NIM1K: variants seen among roughly 807,000 people sequenced by gnomAD.
NIM1K encodes the protein serine/threonine-protein kinase NIM1.
NIM1K carries 35 observed loss-of-function variants against 37.1 expected under a neutral mutation model. That is an observed-to-expected ratio of 0.94 (90% confidence interval 0.72 to 1.25). The LOEUF is 1.25. Among genes scored for constraint, NIM1K ranks in the 50% most tolerant of loss-of-function variants. The pLI, the probability that NIM1K is intolerant of heterozygous loss-of-function variation, is 0.00. For synonymous variants in NIM1K, 234 were observed against 206.6 expected, an observed-to-expected ratio of 1.13 and a Z score of -1.14; for missense variants, 564 against 548.0, an observed-to-expected ratio of 1.03 and a Z score of -0.29.
At chr5:43,222,378 A>G (rs1271967806) in intron 1 of NIM1K, among the ~76,000 whole-genome samples, 1 of 152,162 alleles carries the variant, frequency 6.6e-6, no homozygotes, top group African/African-American at 2.4e-5. Flanking sequence ...ACTGAGAGAA[A>G]ACCTGTGGTA....
At chr5:43,213,031 G>A (rs1490211584) in intron 1 of NIM1K, among the ~76,000 whole-genome samples, 1 of 152,130 alleles carries the variant, frequency 6.6e-6, no homozygotes, top group Non-Finnish European at 1.5e-5. Flanking sequence ...ACCTTTGCCA[G>A]AGGGTGTATT....
chr5:43,263,668 G>A (rs1279278453), intron 2 of NIM1K, among the ~76,000 whole-genome samples: 1 of 151,880 alleles, frequency 6.6e-6, no homozygotes, highest in Non-Finnish European at 1.5e-5. Flanking sequence ...GCTAGCTTTT[G>A]AATGTGCTTG....
intron 1 of NIM1K, chr5:43,193,612 T>G (rs1751865840): frequency 1.3e-5 from 2 of 152,052 alleles, no homozygotes; most frequent in African/African-American, 4.8e-5. Context: ...CGAAACCAGA[T>G]GAAAAAAAGT....
intron 1 of NIM1K, among the ~76,000 whole-genome samples, chr5:43,217,059 CACT>C (rs940294667): frequency 2.0e-5 from 3 of 152,040 alleles, no homozygotes; most frequent in Non-Finnish European, 2.9e-5. Flanking sequence ...GTGCATACAC[CACT>C]ACTATCAATT....
chr5:43,232,320 G>GT, intron 1 of NIM1K: 2 of 1,264,746 alleles, frequency 1.6e-6, no homozygotes, highest in Non-Finnish European at 2.3e-6. Flanking sequence ...ACAGAAAGCT[G>GT]TTTCATGGTA....
At chr5:43,231,893 C>T in intron 1 of NIM1K, 1 of 1,070,830 alleles carries the variant, frequency 9.3e-7, no homozygotes, top group Non-Finnish European at 1.4e-6. Flanking sequence ...CAAGGGCAGT[C>T]ATGTCCTCAC....
At chr5:43,260,233 G>C (rs941022324) in intron 2 of NIM1K, among the ~76,000 whole-genome samples, 2 of 152,186 alleles carry the variant, frequency 1.3e-5, no homozygotes, top group Non-Finnish European at 2.9e-5. Context: ...TCTCTTGCCT[G>C]ATTGCTCTGG....
chr5:43,223,497 A>G (rs1322342439), intron 1 of NIM1K, among the ~76,000 whole-genome samples: 1 of 152,248 alleles, frequency 6.6e-6, no homozygotes, highest in African/African-American at 2.4e-5. Context: ...TTTCAATAAA[A>G]TTTTGGATAT....
chr5:43,206,902 A>G (rs1172265642), intron 1 of NIM1K: 4 of 768,384 alleles, frequency 5.2e-6, no homozygotes, highest in Non-Finnish European at 9.7e-6. Flanking sequence ...ATTTACCCAC[A>G]TGGATTGTGT....
At chr5:43,254,842 G>A (rs1428743873) in intron 2 of NIM1K, among the ~76,000 whole-genome samples, 1 of 152,144 alleles carries the variant, frequency 6.6e-6, no homozygotes, top group African/African-American at 2.4e-5. Flanking sequence ...TAGCATGGGG[G>A]ACAGCTATGC....
At chr5:43,214,908 T>C (rs2112222967) in intron 1 of NIM1K, among the ~76,000 whole-genome samples, 1 of 152,210 alleles carries the variant, frequency 6.6e-6, no homozygotes, top group Admixed American at 6.5e-5. Flanking sequence ...TCTTCACACT[T>C]ATAATTAATT....
At chr5:43,239,427 T>TCGGGGCCCAG (rs1472661070) in intron 1 of NIM1K, among the ~76,000 whole-genome samples, 1 of 151,602 alleles carries the variant, frequency 6.6e-6, no homozygotes, top group African/African-American at 2.4e-5. Context: ...TTTAGTAGAG[T>TCGGGGCCCAG]CTGGGTTTCA....
intron 1 of NIM1K, chr5:43,206,953 A>G: frequency 2.6e-6 from 2 of 763,442 alleles, no homozygotes; most frequent in Non-Finnish European, 4.9e-6. Flanking sequence ...CACAAGGCAA[A>G]GAAGAGATCG....
chr5:43,256,194 CT>C (rs1206497400), intron 2 of NIM1K, among the ~76,000 whole-genome samples: 2 of 152,028 alleles, frequency 1.3e-5, no homozygotes, highest in Admixed American at 6.6e-5. Context: ...ACTCTGGCAG[CT>C]TTGTTGAAAA....
intron 2 of NIM1K, among the ~76,000 whole-genome samples, chr5:43,254,151 A>C (rs1752907661): frequency 6.6e-6 from 1 of 152,202 alleles, no homozygotes; most frequent in African/African-American, 2.4e-5. Context: ...AGAGAAGAGC[A>C]TGTATTTGAA....
chr5:43,230,854 CT>C (rs1316043193), intron 1 of NIM1K, among the ~76,000 whole-genome samples: 2 of 152,262 alleles, frequency 1.3e-5, no homozygotes, highest in South Asian at 2.1e-4. Context: ...TTTACCAGAG[CT>C]TTTTTTTGTG....
chr5:43,232,191 C>T lies in NIM1K; in HGVS notation c.-694-12891C>T, dbSNP rs531674252. On this transcript the variant is annotated intron_variant, in intron 1 of 3. Coordinates refer to ENST00000326035, the MANE Select transcript of NIM1K (RefSeq NM_153361.4). ...TTGATGGTGGCAATGGCAGCATTGACGTCTTTGAGAACCATGTCACCACGG... is the reference window on the plus strand; with the variant it reads ...TTGATGGTGGCAATGGCAGCATTGATGTCTTTGAGAACCATGTCACCACGG... The T allele has an allele frequency of 3.1e-5, 31 of 986,178 alleles. No homozygotes were observed. The East Asian group carries it at 4.1e-4, about 13-fold the overall frequency. 61.1% of individuals were successfully genotyped at this position (986,178 alleles called of 1,614,324 possible). A position where few individuals can be genotyped will look rare whatever the true frequency, so the allele number is the denominator to read the frequency against.
At chr5:43,231,317 T>C (rs1752534808) in intron 1 of NIM1K, among the ~76,000 whole-genome samples, 1 of 152,208 alleles carries the variant, frequency 6.6e-6, no homozygotes, top group African/African-American at 2.4e-5. Context: ...ACTCTAGTTA[T>C]CTCTTCCTCT....
At chr5:43,273,461 G>A (rs1049599037) in intron 2 of NIM1K, among the ~76,000 whole-genome samples, 18 of 151,916 alleles carry the variant, frequency 1.2e-4, no homozygotes, top group East Asian at 7.7e-4. Context: ...CACCCGCCTC[G>A]GCCTCCCAAA....
Sources: gnomAD v4.1 joint callset for allele counts (sites outside exome capture counted in the v4.1 genomes callset) on GRCh38, gnomAD v4.1.1 for gene constraint, MANE v1.5 for transcripts, NCBI Gene and HGNC (gene_info 2026-07-23, HGNC 2026-07-21) for gene names.